Variants in ALS2 observed in about 807,000 individuals in gnomAD.
ALS2 encodes alsin.
A neutral mutation model predicts 203.4 loss-of-function variants in ALS2; 117 were observed. The ratio of observed to expected loss-of-function variants is 0.58; its 90% CI spans 0.50 to 0.67. The LOEUF is 0.67. Among genes scored for constraint, ALS2 ranks in the 30% least tolerant of loss-of-function variants. ALS2 has a pLI of 0.00. For missense variants in ALS2, 1,715 were observed against 1,989.4 expected, an observed-to-expected ratio of 0.86 and a Z score of 2.62; for synonymous variants, 718 against 725.9, an observed-to-expected ratio of 0.99 and a Z score of 0.17.
At chr2:201,705,318 G>T in intron 30 of ALS2, 98 bp downstream of exon 30, 1 of 1,459,654 alleles carries the variant, frequency 6.9e-7, no homozygotes, top group East Asian at 2.3e-5. Flanking sequence ...ACAAGCTTGG[G>T]TACTGTTCTA....
At position 201,754,518 on chromosome 2, in the gene ALS2, C is replaced by T. The variant is rs1693265813; in HGVS notation, c.1625G>A (p.Gly542Asp). ...TAGCGCTTACCTAGGCAGAACATCG[C>T]CGTGCCCCAGCTGCCCTTCCTTCCC... ...GKGKEGQLGH[G>D]DVLPRLQPLC... is the part of the protein sequence containing the mutation. The change falls in exon 6 of 34, where the codon GGC becomes GAC. Residue 542 changes from glycine to aspartate, a missense_variant. This residue lies in a region of ALS2 where 1,227 missense variants were observed against 1,413.5 expected (regional missense o/e 0.87). Coordinates refer to ENST00000264276, the MANE Select transcript of ALS2 (RefSeq NM_020919.4). 2 of 1,613,924 alleles carry T rather than the reference C, an allele frequency of 1.2e-6. No individual in the cohort carries two copies. The highest frequency in any genetic ancestry group is 1.7e-5 in the Admixed American group (1 of 59,986).
intron 1 of ALS2, among the ~76,000 whole-genome samples, chr2:201,779,158 G>A (rs1694787109): frequency 6.6e-6 from 1 of 152,086 alleles, no homozygotes; most frequent in African/African-American, 2.4e-5. Context: ...TCAAATGACA[G>A]CCCAAATTCT....
intron 29 of ALS2, among the ~76,000 whole-genome samples, chr2:201,705,752 T>C (rs1689669267): frequency 6.6e-6 from 1 of 150,934 alleles, no homozygotes; most frequent in Non-Finnish European, 1.5e-5. Context: ...CTGAAAACAA[T>C]TAAAGCACAA....
chr2:201,706,241 C>A (rs2105966287), intron 29 of ALS2, among the ~76,000 whole-genome samples: 1 of 151,982 alleles, frequency 6.6e-6, no homozygotes, highest in South Asian at 2.1e-4. Flanking sequence ...CAAAAATTAG[C>A]TGAGCATGGT....
In ALS2 at chr2:201,761,256, T is replaced by G. The variant is rs1361468623; in HGVS notation, c.738A>C (p.Glu246Asp). The G allele has an allele frequency of 6.2e-7, 1 of 1,614,098 alleles. No individual in the cohort carries two copies. Among genetic ancestry groups the G allele is most frequent in the Non-Finnish European group, 8.5e-7 (1 of 1,180,052 alleles). ...GACTGTCTGATATAATCACATGGTC[T>G]TCTTTGTCAGTCATAGTAATCAAGA... ...SQLLITMTDK[E>D]DHVIISDSHC... The change falls in exon 4 of 34, where the codon GAA (glutamate) becomes GAC (aspartate). Residue 246 changes from glutamate (E) to aspartate (D), a missense_variant. By Grantham distance (45) the Glu-to-Asp change is conservative (BLOSUM62 2). Around this residue, in one of 3 missense-constraint regions of ALS2, gnomAD observed 476 missense variants for 539.3 expected, o/e 0.88. Coordinates refer to ENST00000264276, the MANE Select transcript of ALS2 (RefSeq NM_020919.4).
chr2:201,730,643 A>C (rs531720238), intron 13 of ALS2, among the ~76,000 whole-genome samples: 4 of 152,152 alleles, frequency 2.6e-5, no homozygotes, highest in African/African-American at 9.6e-5. Flanking sequence ...AAAAAAAAAA[A>C]AAGCAACCCA....
chr2:201,744,311 T>G lies in ALS2; in HGVS notation c.2117A>C (p.Tyr706Ser). ...AGATTTGATATCACTTAGTTTTGAA[T>G]AGAATCGTCTTTCTGTAGTAGCTAA... ...HELATTERRF[Y>S]SKLSDIKSQI... The change falls in exon 10 of 34, where the codon TAT becomes TCT. Residue 706 changes from tyrosine to serine, a missense_variant. Transcript: ENST00000264276. 2 of 1,614,184 alleles carry G rather than the reference T, an allele frequency of 1.2e-6. No homozygotes were observed. The highest frequency in any genetic ancestry group is 1.7e-6 in the Non-Finnish European group (2 of 1,180,016).
chr2:201,779,065 C>T (rs1261075497), intron 1 of ALS2, among the ~76,000 whole-genome samples: 1 of 152,170 alleles, frequency 6.6e-6, no homozygotes, highest in African/African-American at 2.4e-5. Flanking sequence ...CACCTAATTA[C>T]AAAAACACTA....
rs760707229 is a variant in ALS2, at chr2:201,743,070, CA to C, written c.2170+1187del. Among the ~76,000 whole-genome samples, 251 of 114,732 alleles carry C rather than the reference CA, an allele frequency of 2.2e-3. 1 individual carries two copies. Among genetic ancestry groups the C allele is most frequent in the African/African-American group, 5.9e-3 (157 of 26,726 alleles). 75.3% of individuals were successfully genotyped at this position (114,732 alleles called of 152,430 possible). On this transcript the variant is annotated intron_variant, in intron 10 of 33. Coordinates refer to ENST00000264276, the MANE Select transcript of ALS2 (RefSeq NM_020919.4). ...TGGGTGACAGAGCAAGACTCTGTCT[CA>C]AAAAAAAAAAAAAAAGAAAGAAACA...
At chr2:201,747,322 A>G (rs994864959) in intron 8 of ALS2, among the ~76,000 whole-genome samples, 6 of 152,002 alleles carry the variant, frequency 3.9e-5, no homozygotes, top group Non-Finnish European at 7.4e-5. Flanking sequence ...ATCTGCAGGG[A>G]TCCCTTAGAC....
chr2:201,724,541 C>T, intron 20 of ALS2, 82 bp from the exon 21 acceptor site: 1 of 1,386,108 alleles, frequency 7.2e-7, no homozygotes, highest in Non-Finnish European at 1.0e-6. Flanking sequence ...AAATCCAAAA[C>T]CATACTCAGT....
chr2:201,727,561 T>A, intron 16 of ALS2, 144 bp downstream of exon 16: 1 of 751,406 alleles, frequency 1.3e-6, no homozygotes, highest in Non-Finnish European at 2.3e-6. Flanking sequence ...ACTACTTTAC[T>A]GTCTAATGTG....
chr2:201,733,588 T>C (rs530552587), intron 12 of ALS2, 150 bp from the exon 13 acceptor site: 2 of 708,768 alleles, frequency 2.8e-6, no homozygotes, highest in Non-Finnish European at 4.7e-6. Context: ...AAGCCAGATA[T>C]AATTAAAAGA....
chr2:201,705,857 G>A (rs747961503), intron 29 of ALS2, among the ~76,000 whole-genome samples: 2 of 151,974 alleles, frequency 1.3e-5, no homozygotes, highest in African/African-American at 2.4e-5. Flanking sequence ...GCTGAGGCAC[G>A]AGAATCACTT....
At chr2:201,780,540 G>C (rs1374677057) in intron 1 of ALS2, among the ~76,000 whole-genome samples, 1 of 152,196 alleles carries the variant, frequency 6.6e-6, no homozygotes, top group Non-Finnish European at 1.5e-5. Context: ...CTGGAAGGCA[G>C]CGTGGGTGGA....
Position 201,725,358 on chromosome 2 carries a change from G to A in ALS2, c.3345C>T (p.Tyr1115=), listed in dbSNP as rs557709223. ...KEGKMCGQGV[Y]SYASGEVFEG... is the part of the protein sequence containing the mutation. ...TCCAACAGCCTTTCCAATGTTACCT[G>A]TAGACTCCTTGACCGCACATTTTTC... Residue 1115 remains tyrosine (Y), a splice_region_variant and synonymous_variant, in exon 20 of 34, where the codon TAC becomes TAT. Coordinates refer to ENST00000264276, the MANE Select transcript of ALS2 (RefSeq NM_020919.4). 5.8e-5 allele frequency: 93 copies of A among 1,612,384 alleles called. No homozygotes were observed. In the South Asian group the frequency reaches 6.5e-4, roughly 11 times the overall value.
rs1369678809 is a variant in ALS2 at position 201,757,667 on chromosome 2, A to G, written c.1206T>C (p.Ala402=). ...LNSLVVSCAS[A]VGVRVAATYE... ...AAGTAGCAGCCACTCTCACACCAAC[A>G]GCAGATGCACAAGAGACCACCAGGC... Residue 402 remains alanine (A), a synonymous_variant, in exon 5 of 34, where the codon GCT becomes GCC. Transcript: ENST00000264276. 1.2e-6 allele frequency: 2 copies of G among 1,614,106 alleles called. No individual in the cohort carries two copies. The highest frequency in any genetic ancestry group is 2.2e-5 in the South Asian group (2 of 91,086).
rs567500823 is a variant in ALS2, at chr2:201,756,051, A to C, written c.1471+1351T>G. 2.6e-5 allele frequency among the ~76,000 whole-genome samples: 4 copies of C among 152,312 alleles called. No homozygotes were observed. In the East Asian group the frequency reaches 7.7e-4, roughly 29 times the overall value. Reference sequence around the variant, plus strand: ...CTCCAGATAATTCTTAGAGAGGGGGAAAAGAGTACATGTAAAATTTTTCGA... The same window carrying C: ...CTCCAGATAATTCTTAGAGAGGGGGCAAAGAGTACATGTAAAATTTTTCGA... On this transcript the variant is annotated intron_variant, in intron 5 of 33. Transcript: ENST00000264276.
intron 12 of ALS2, among the ~76,000 whole-genome samples, chr2:201,737,945 A>T (rs2106033925): frequency 6.6e-6 from 1 of 151,914 alleles, no homozygotes; most frequent in African/African-American, 2.4e-5. Flanking sequence ...CAAACATGGC[A>T]AAACATTAAC....
Sources: gnomAD v4.1 joint callset for allele counts (sites outside exome capture counted in the v4.1 genomes callset) on GRCh38, gnomAD v4.1.1 for gene constraint, gnomAD v4.1.1 regional missense constraint, MANE v1.5 for transcripts, NCBI Gene and HGNC (gene_info 2026-07-23, HGNC 2026-07-21) for gene names.